KCNIP4: variants seen among roughly 807,000 people sequenced by gnomAD.
The protein encoded by KCNIP4 is Kv channel-interacting protein 4.
KCNIP4 carries 12 observed loss-of-function variants against 34.0 expected under a neutral mutation model. The observed-to-expected ratio is 0.35, with a 90% CI of 0.23 to 0.57. The LOEUF (loss-of-function observed/expected upper bound fraction) is 0.57, where lower values mean the gene tolerates loss of function less well. KCNIP4 is among the 20% of genes least tolerant of loss of function. The pLI is 0.83. For synonymous variants in KCNIP4, 124 were observed against 102.2 expected (o/e 1.21, Z -1.29); for missense variants, 238 against 311.7 (o/e 0.76, Z 1.78).
At chr4:21,358,408 A>G (rs913363137) in intron 1 of KCNIP4, among the ~76,000 whole-genome samples, 5 of 152,208 alleles carry the variant, frequency 3.3e-5, no homozygotes, top group African/African-American at 1.2e-4. Context: ...GTGCATAATC[A>G]AATAGATCCT....
Position 20,776,293 on chromosome 4 carries a change from TC to T in KCNIP4, c.289-17404del, listed in dbSNP as rs1756361708. Among the ~76,000 whole-genome samples, 5 of 152,360 alleles carry T rather than the reference TC, an allele frequency of 3.3e-5. No individual in the cohort carries two copies. The South Asian group carries it at 1.0e-3, about 32-fold the overall frequency. The stretch of plus-strand genomic sequence containing the variant: ...AAAACAATGCATGTTTTTGTTTTTT[TC>T]TAGTATCTCACAGATATTTTCATTT... On this transcript the variant is annotated intron_variant, in intron 3 of 8. Transcript: ENST00000382152.
intron 1 of KCNIP4, among the ~76,000 whole-genome samples, chr4:21,004,515 C>T (rs1248048566): frequency 6.6e-6 from 1 of 152,106 alleles, no homozygotes; most frequent in African/African-American, 2.4e-5. Context: ...CATACCATTG[C>T]AATGTGTGAG....
At chr4:20,899,308 T>C (rs1726905779) in intron 1 of KCNIP4, among the ~76,000 whole-genome samples, 1 of 152,220 alleles carries the variant, frequency 6.6e-6, no homozygotes. Context: ...CCTGCTAATT[T>C]GATTTTTAGT....
At chr4:20,823,031 A>T (rs1486615463) in intron 3 of KCNIP4, among the ~76,000 whole-genome samples, 1 of 152,154 alleles carries the variant, frequency 6.6e-6, no homozygotes, top group Non-Finnish European at 1.5e-5. Context: ...CAGACACTTG[A>T]TCTGCCAGTG....
rs1174662830 is a variant in KCNIP4, at chr4:20,729,129, G to GGCTT, written c.*949_*952dup. ...AAGGTTTCTTTCTTTGTCCCTGAAT[G>GGCTT]GCTTGTAATATAAATAAACATGCTG... On this transcript the variant is annotated 3_prime_UTR_variant, in exon 9 of 9. Coordinates refer to ENST00000382152, the MANE Select transcript of KCNIP4 (RefSeq NM_025221.6). The GGCTT allele has an allele frequency of 1.3e-5, 2 of 152,476 alleles. No individual in the cohort carries two copies. The highest frequency in any genetic ancestry group is 2.9e-5 in the Non-Finnish European group (2 of 68,012). 9.4% of individuals were successfully genotyped at this position (152,476 alleles called of 1,614,324 possible). A position where few individuals can be genotyped will look rare whatever the true frequency, so the allele number is the denominator to read the frequency against.
rs530971443 is a variant in KCNIP4, at chr4:20,731,493, CTGTT to C, written c.705+509_705+512del. 7,427 of 985,312 alleles carry C rather than the reference CTGTT, an allele frequency of 7.5e-3. 39 individuals carry two copies. The highest frequency in any genetic ancestry group is 8.5e-3 in the Non-Finnish European group (7,023 of 829,874). The allele number at this position is 985,312 out of a possible 1,614,324, so 61.0% of individuals were successfully genotyped here. Reference sequence around the variant, plus strand: ...AGTTCTCTTCAGAGAAAATTTTCCACTGTTTATTTTTTGTGACTGAAGACCATTA... The same window carrying C: ...AGTTCTCTTCAGAGAAAATTTTCCACTATTTTTTGTGACTGAAGACCATTA... On this transcript the variant is annotated intron_variant, in intron 8 of 8. Coordinates refer to ENST00000382152, the MANE Select transcript of KCNIP4 (RefSeq NM_025221.6).
intron 1 of KCNIP4, among the ~76,000 whole-genome samples, chr4:21,610,589 G>A (rs1418659380): frequency 4.6e-5 from 7 of 151,752 alleles, no homozygotes; most frequent in African/African-American, 1.7e-4. Context: ...TTCACATTAG[G>A]GATTTTAGCT....
At chr4:20,950,291 A>T (rs1402581671) in intron 1 of KCNIP4, among the ~76,000 whole-genome samples, 1 of 152,024 alleles carries the variant, frequency 6.6e-6, no homozygotes, top group African/African-American at 2.4e-5. Flanking sequence ...GCTCACTATT[A>T]TCTTAGCTCA....
intron 1 of KCNIP4, among the ~76,000 whole-genome samples, chr4:21,939,494 G>T (rs1730072795): frequency 6.6e-6 from 1 of 152,086 alleles, no homozygotes; most frequent in Non-Finnish European, 1.5e-5. Flanking sequence ...GTATTTTACA[G>T]GTTCTGGCTT....
chr4:21,609,430 C>G (rs901437349), intron 1 of KCNIP4, among the ~76,000 whole-genome samples: 1 of 152,176 alleles, frequency 6.6e-6, no homozygotes, highest in African/African-American at 2.4e-5. Context: ...CAATTCCTCA[C>G]TTCGCATGAG....
chr4:20,883,140 C>T (rs1724907871), intron 1 of KCNIP4, among the ~76,000 whole-genome samples: 1 of 151,852 alleles, frequency 6.6e-6, no homozygotes, highest in Admixed American at 6.6e-5. Context: ...TATTGCTCCC[C>T]ATCTTTGATT....
At chr4:21,632,639 C>T (rs541444331) in intron 1 of KCNIP4, among the ~76,000 whole-genome samples, 3 of 152,254 alleles carry the variant, frequency 2.0e-5, no homozygotes, top group Non-Finnish European at 2.9e-5. Context: ...AGTCACACTT[C>T]AGTGCAAGAC....
At chr4:21,009,586 T>C (rs1423669971) in intron 1 of KCNIP4, among the ~76,000 whole-genome samples, 1 of 152,236 alleles carries the variant, frequency 6.6e-6, no homozygotes, top group Non-Finnish European at 1.5e-5. Context: ...GTTCCTAAAC[T>C]CCTCTGTAGT....
intron 1 of KCNIP4, among the ~76,000 whole-genome samples, chr4:21,276,284 G>C (rs1284757682): frequency 2.0e-5 from 3 of 151,922 alleles, no homozygotes; most frequent in African/African-American, 7.3e-5. Context: ...AGAACTGTGA[G>C]ACAATACATT....
chr4:21,519,524 G>GTGTGTA (rs1735184919), intron 1 of KCNIP4, among the ~76,000 whole-genome samples: 2 of 103,768 alleles, frequency 1.9e-5, no homozygotes, highest in Non-Finnish European at 4.1e-5. Flanking sequence ...ACACATATGT[G>GTGTGTA]TGTATGTGTA....
intron 1 of KCNIP4, among the ~76,000 whole-genome samples, chr4:21,368,372 C>T (rs750710664): frequency 1.4e-5 from 2 of 147,010 alleles, no homozygotes; most frequent in Non-Finnish European, 2.9e-5. Context: ...TTTAGAAAAT[C>T]GTATCTAATA....
chr4:21,307,364 T>A lies in KCNIP4; in HGVS notation c.62-424655A>T, dbSNP rs908942517. Among the ~76,000 whole-genome samples the A allele has an allele frequency of 6.6e-5, 10 of 152,302 alleles. 1 individual carries two copies. The highest frequency in any genetic ancestry group is 2.4e-4 in the African/African-American group (10 of 41,578). ...ACTTAGGTCTTAGTTCCAAAATTCC[T>A]ATCACAGAGAGGCCCTTTCTAACTG... is the stretch of plus-strand genomic sequence containing the variant. On this transcript the variant is annotated intron_variant, in intron 1 of 8. Coordinates refer to ENST00000382152, the MANE Select transcript of KCNIP4 (RefSeq NM_025221.6).
chr4:21,106,545 C>T lies in KCNIP4; in HGVS notation c.62-223836G>A, dbSNP rs549681054. The stretch of plus-strand genomic sequence containing the variant: ...CAATTTTGTTGATCCTTTCACAAAA[C>T]CAGCTCCTGGATTCATTAATTTTTT... On this transcript the variant is annotated intron_variant, in intron 1 of 8. Coordinates refer to ENST00000382152, the MANE Select transcript of KCNIP4 (RefSeq NM_025221.6). Among the ~76,000 whole-genome samples the T allele has an allele frequency of 1.1e-4, 17 of 148,736 alleles. No homozygotes were observed. In the South Asian group the frequency reaches 1.9e-3, roughly 17 times the overall value.
chr4:21,930,059 A>G (rs1729476794), intron 1 of KCNIP4, among the ~76,000 whole-genome samples: 1 of 152,044 alleles, frequency 6.6e-6, no homozygotes, highest in Non-Finnish European at 1.5e-5. Context: ...CTGGCTCCTA[A>G]ATGTGTATTT....
Sources: gnomAD v4.1 joint callset for allele counts (sites outside exome capture counted in the v4.1 genomes callset) on GRCh38, gnomAD v4.1.1 for gene constraint, MANE v1.5 for transcripts, NCBI Gene and HGNC (gene_info 2026-07-23, HGNC 2026-07-21) for gene names.